The following AKAP11 variants were observed in gnomAD, a reference collection of about 807,000 sequenced individuals.
The protein encoded by AKAP11 is A-kinase anchoring protein 11.
AKAP11 carries 36 observed loss-of-function variants against 146.1 expected under a neutral mutation model. The observed-to-expected ratio is 0.25, with a 90% CI of 0.19 to 0.33. The LOEUF (loss-of-function observed/expected upper bound fraction) is 0.33, where lower values mean the gene tolerates loss of function less well. AKAP11 is among the 10% of genes least tolerant of loss of function. AKAP11 has a pLI of 1.00. For synonymous variants in AKAP11, 780 were observed against 786.5 expected (o/e 0.99, Z 0.14); for missense variants, 2,201 against 2,197.0 (o/e 1.00, Z -0.04).
At chr13:42,314,032 G>A in intron 11 of AKAP11, 92 bp downstream of exon 11, 1 of 1,281,582 alleles carries the variant, frequency 7.8e-7, no homozygotes, top group Non-Finnish European at 1.1e-6. Flanking sequence ...TAGGCTCTAG[G>A]TTATCAGTGT....
Position 42,299,347 on chromosome 13 carries a change from C to A in AKAP11, c.617-16C>A, listed in dbSNP as rs1220314639. ...TTGTTCAAAAATAATTTCACCATTTCATTCTTTTCCTATAGGAATGAACAT... is the reference window on the plus strand; with the variant it reads ...TTGTTCAAAAATAATTTCACCATTTAATTCTTTTCCTATAGGAATGAACAT... On this transcript the variant is annotated splice_polypyrimidine_tract_variant and intron_variant, in intron 7 of 12. Coordinates refer to ENST00000025301, the MANE Select transcript of AKAP11 (RefSeq NM_016248.4). 3 of 1,565,858 alleles carry A rather than the reference C, an allele frequency of 1.9e-6. No individual in the cohort carries two copies. Among genetic ancestry groups the A allele is most frequent in the Non-Finnish European group, 2.6e-6 (3 of 1,160,486 alleles).
At chr13:42,274,438 C>T (rs1430683354) in intron 1 of AKAP11, among the ~76,000 whole-genome samples, 2 of 152,194 alleles carry the variant, frequency 1.3e-5, no homozygotes, top group Non-Finnish European at 2.9e-5. Flanking sequence ...AATCCCAGGA[C>T]TTTAGGAGGC....
chr13:42,322,775 TG>T lies in AKAP11; in HGVS notation c.*3549del, dbSNP rs944330414. 2.6e-4 allele frequency: 40 copies of T among 152,700 alleles called. No homozygotes were observed. Among genetic ancestry groups the T allele is most frequent in the African/African-American group, 3.9e-4 (16 of 41,426 alleles). 9.5% of individuals were successfully genotyped at this position (152,700 alleles called of 1,614,324 possible). A position where few individuals can be genotyped will look rare whatever the true frequency, so the allele number is the denominator to read the frequency against. On this transcript the variant is annotated 3_prime_UTR_variant, in exon 13 of 13. Coordinates refer to ENST00000025301, the MANE Select transcript of AKAP11 (RefSeq NM_016248.4). ...CACTCTTGTCACTTTATTTATTTAT[TG>T]GTTTTTTTTTAACCATCTGTGTACA...
At chr13:42,273,793 A>AT (rs1009535190) in intron 1 of AKAP11, among the ~76,000 whole-genome samples, 2 of 152,110 alleles carry the variant, frequency 1.3e-5, no homozygotes, top group African/African-American at 2.4e-5. Context: ...GGTACTTTTA[A>AT]TTTTTTTATT....
At chr13:42,299,261 A>G (rs957419402) in intron 7 of AKAP11, 102 bp from the exon 8 acceptor site, 8 of 963,120 alleles carry the variant, frequency 8.3e-6, no homozygotes, top group Admixed American at 2.9e-5. Flanking sequence ...GAAGATACAC[A>G]TAAATATTAT....
At position 42,301,789 on chromosome 13, in the gene AKAP11, G is replaced by A. The variant is rs753705579; in HGVS notation, c.3043G>A (p.Val1015Ile). The A allele has an allele frequency of 1.6e-4, 264 of 1,614,002 alleles. 2 individuals are homozygous for A. The South Asian group carries it at 2.7e-3, about 16-fold the overall frequency. ...TGTTCCAGAATGTAAAGTTTCTATG[G>A]TTCATGGATCCTCCCTAGAGACACT... is the stretch of plus-strand genomic sequence containing the variant. ...DCVPECKVSM[V>I]HGSSLETLPS... The change falls in exon 8 of 13, where the codon GTT (valine) becomes ATT (isoleucine). Residue 1015 changes from valine (V) to isoleucine (I), a missense_variant. Val to Ile is a conservative substitution (Grantham distance 29, BLOSUM62 3). This residue lies in a region of AKAP11 where 1,867 missense variants were observed against 1,833.5 expected (regional missense o/e 1.02). Transcript: ENST00000025301.
chr13:42,280,990 T>C (rs1228646530), intron 1 of AKAP11, among the ~76,000 whole-genome samples: 22 of 152,164 alleles, frequency 1.4e-4, no homozygotes, highest in Admixed American at 1.3e-3. Context: ...GGAGATCGTT[T>C]AGGGAGAAAG....
intron 6 of AKAP11, among the ~76,000 whole-genome samples, chr13:42,297,627 A>T (rs1959595720): frequency 6.6e-6 from 1 of 151,974 alleles, no homozygotes; most frequent in Non-Finnish European, 1.5e-5. Context: ...TGTGTTCTTT[A>T]TAAATAAAAA....
chr13:42,297,080 T>G lies in AKAP11; in HGVS notation c.249T>G (p.Asp83Glu). ...DLAAVSLELP[D>E]ILNSLHFCSL... ...CTGCAGTTTCTTTGGAACTTCCAGA[T>G]ATTCTGAATTCACTCCACTTCTGCA... is the stretch of plus-strand genomic sequence containing the variant. Residue 83 changes from aspartate to glutamate, a missense_variant, in exon 6 of 13, where the codon GAT (aspartate) becomes GAG (glutamate). By Grantham distance (45) the Asp-to-Glu change is conservative (BLOSUM62 2). Transcript: ENST00000025301. 1 of 1,590,396 alleles carries G rather than the reference T, an allele frequency of 6.3e-7. No individual in the cohort carries two copies. Among genetic ancestry groups the G allele is most frequent in the African/African-American group, 1.4e-5 (1 of 73,374 alleles).
chr13:42,312,999 C>G (rs1287158522), intron 9 of AKAP11, 48 bp from the exon 10 acceptor site: 4 of 1,510,460 alleles, frequency 2.6e-6, no homozygotes, highest in Non-Finnish European at 3.7e-6. Context: ...AAGGTCTTTT[C>G]TACTATTCAT....
chr13:42,288,462 T>G (rs1418623408), intron 3 of AKAP11, among the ~76,000 whole-genome samples: 1 of 152,232 alleles, frequency 6.6e-6, no homozygotes, highest in Non-Finnish European at 1.5e-5. Flanking sequence ...ATGATCATAA[T>G]GTTTCTTCAC....
At chr13:42,290,667 G>A (rs975407856) in intron 3 of AKAP11, among the ~76,000 whole-genome samples, 2 of 152,104 alleles carry the variant, frequency 1.3e-5, no homozygotes, top group African/African-American at 2.4e-5. Flanking sequence ...TTTTAATCCA[G>A]TAGTCATAAT....
rs374378036 is a variant in AKAP11 at position 42,286,305 on chromosome 13, T to A, written c.-44T>A. ...TTTTAATATGTTTTCTTTAGGTGTT[T>A]TGTGGATTAACTCTTCATTGATTAT... On this transcript the variant is annotated 5_prime_UTR_variant, in exon 3 of 13. It adds an upstream start codon to the 5' untranslated region. Coordinates refer to ENST00000025301, the MANE Select transcript of AKAP11 (RefSeq NM_016248.4). The A allele has an allele frequency of 8.1e-6, 11 of 1,363,710 alleles. No homozygotes were observed. In the African/African-American group the frequency reaches 1.6e-4, roughly 20 times the overall value. 84.5% of individuals were successfully genotyped at this position (1,363,710 alleles called of 1,614,324 possible).
rs1455919058 is a variant in AKAP11 at position 42,302,186 on chromosome 13, G to T, written c.3440G>T (p.Gly1147Val). 3 of 1,614,150 alleles carry T rather than the reference G, an allele frequency of 1.9e-6. No homozygotes were observed. Among genetic ancestry groups the T allele is most frequent in the East Asian group, 4.5e-5 (2 of 44,876 alleles). The change falls in exon 8 of 13, where the codon GGT (glycine) becomes GTT (valine). Residue 1147 changes from glycine to valine, a missense_variant. Gly to Val is a moderately radical substitution (Grantham distance 109). Transcript: ENST00000025301. ...PPSTPHNSSV[G>V]SLSENEQNTI... is the part of the protein sequence containing the mutation. ...TCTACTCCACACAACTCATCTGTTG[G>T]TAGTTTGTCTGAGAATGAACAAAAT...
Position 42,300,055 on chromosome 13 carries a change from G to C in AKAP11, c.1309G>C (p.Val437Leu). ...TGATGCTCCGGATTCTCCTCGCCCA[G>C]TGAAGGCATCAAGGGAAGATAGTGG... ...LCDAPDSPRP[V>L]KASREDSGLF... The change falls in exon 8 of 13, where the codon GTG becomes CTG. Residue 437 changes from valine (V) to leucine (L), a missense_variant. Val to Leu is a conservative substitution (Grantham distance 32). Coordinates refer to ENST00000025301, the MANE Select transcript of AKAP11 (RefSeq NM_016248.4). 1 of 1,613,932 alleles carries C rather than the reference G, an allele frequency of 6.2e-7. No individual in the cohort carries two copies.
chr13:42,302,561 A>G lies in AKAP11; in HGVS notation c.3815A>G (p.Glu1272Gly). ...GCAGCAGAAGTCATTACAGAAGCTG[A>G]GAAAATAGCAAAAGTCCGAAATTGT... The part of the protein sequence containing the change: ...DLAAEVITEA[E>G]KIAKVRNCML... The change falls in exon 8 of 13, where the codon GAG becomes GGG. Residue 1272 changes from glutamate to glycine, a missense_variant. By Grantham distance (98) the Glu-to-Gly change is moderately conservative. This residue lies in a region of AKAP11 where 1,867 missense variants were observed against 1,833.5 expected (regional missense o/e 1.02). Coordinates refer to ENST00000025301, the MANE Select transcript of AKAP11 (RefSeq NM_016248.4). The G allele has an allele frequency of 6.2e-7, 1 of 1,614,180 alleles. No homozygotes were observed. Among genetic ancestry groups the G allele is most frequent in the Non-Finnish European group, 8.5e-7 (1 of 1,180,028 alleles).
chr13:42,301,518 A>G lies in AKAP11; in HGVS notation c.2772A>G (p.Ala924=). The change falls in exon 8 of 13, where the codon GCA becomes GCG. Residue 924 remains alanine (A), a synonymous_variant. Transcript: ENST00000025301. ...KTPPFSHCDQ[A]VLQCSEASSN... ...CTCCATTTTCCCACTGTGATCAGGC[A>G]GTGCTGCAATGCAGTGAAGCTAGTA... The G allele has an allele frequency of 6.2e-7, 1 of 1,614,140 alleles. No homozygotes were observed. The highest frequency in any genetic ancestry group is 8.5e-7 in the Non-Finnish European group (1 of 1,179,990).
chr13:42,288,142 T>C (rs1213875438), intron 3 of AKAP11, among the ~76,000 whole-genome samples: 6 of 152,250 alleles, frequency 3.9e-5, no homozygotes, highest in Non-Finnish European at 8.8e-5. Flanking sequence ...CCCTATTGGC[T>C]ACTGTGGAAA....
chr13:42,294,361 GTA>G (rs1235979723), intron 4 of AKAP11, among the ~76,000 whole-genome samples: 1 of 151,908 alleles, frequency 6.6e-6, no homozygotes, highest in African/African-American at 2.4e-5. Context: ...AATGTAAAAA[GTA>G]ACACTTTTTC....
Sources: allele counts gnomAD v4.1 joint callset (sites outside exome capture counted in the v4.1 genomes callset), GRCh38; gene constraint gnomAD v4.1.1; regional missense constraint gnomAD v4.1.1; transcripts MANE v1.5; gene names NCBI Gene and HGNC (gene_info 2026-07-23, HGNC 2026-07-21).